Variants in TIAM2 observed in about 807,000 individuals in gnomAD.
TIAM2 encodes the protein rho guanine nucleotide exchange factor TIAM2.
A neutral mutation model predicts 152.9 loss-of-function variants in TIAM2; 80 were observed. The observed-to-expected ratio is 0.52, with a 90% CI of 0.44 to 0.63. TIAM2 has a LOEUF of 0.63. Among genes scored for constraint, TIAM2 ranks in the 30% least tolerant of loss-of-function variants. The pLI, the probability that TIAM2 is intolerant of heterozygous loss-of-function variation, is 0.00. For missense variants in TIAM2, 1,965 were observed against 2,120.1 expected, an observed-to-expected ratio of 0.93 and a Z score of 1.44; for synonymous variants, 804 against 838.0, an observed-to-expected ratio of 0.96 and a Z score of 0.70.
At chr6:155,049,048 G>A (rs141419662) in intron 1 of TIAM2, among the ~76,000 whole-genome samples, 9 of 152,156 alleles carry the variant, frequency 5.9e-5, no homozygotes, top group African/African-American at 2.2e-4. Context: ...TGATCCGCCC[G>A]TCTCGGACTC....
intron 7 of TIAM2, among the ~76,000 whole-genome samples, chr6:155,152,072 A>C (rs1426435664): frequency 1.3e-5 from 2 of 151,914 alleles, no homozygotes; most frequent in Non-Finnish European, 2.9e-5. Flanking sequence ...TCGAACTCTG[A>C]CCTTAGGTGA....
At chr6:155,182,568 T>G (rs1780931718) in intron 13 of TIAM2, among the ~76,000 whole-genome samples, 1 of 152,008 alleles carries the variant, frequency 6.6e-6, no homozygotes, top group Non-Finnish European at 1.5e-5. Context: ...AAGACCAGCC[T>G]GGGAGACAGA....
In TIAM2 at chr6:155,056,258, G is replaced by A. The variant is rs376595951; in HGVS notation, c.-208-34031G>A. On this transcript the variant is annotated intron_variant, in intron 1 of 26. Coordinates refer to ENST00000682666, the MANE Select transcript of TIAM2 (RefSeq NM_012454.4). ...GCGATCTCGGCTCACTGCAACCTCC[G>A]CTTGCTGGGTTCAAGCGATTCTCCT... Among the ~76,000 whole-genome samples the A allele has an allele frequency of 8.8e-5, 12 of 136,106 alleles. No individual in the cohort carries two copies. The South Asian group carries it at 9.8e-4, about 11-fold the overall frequency. The allele number at this position is 136,106 out of a possible 152,430, so 89.3% of individuals were successfully genotyped here. A position where few individuals can be genotyped will look rare whatever the true frequency, so the allele number is the denominator to read the frequency against.
chr6:155,006,841 A>C (rs547526050), intron 1 of TIAM2, among the ~76,000 whole-genome samples: 1 of 151,862 alleles, frequency 6.6e-6, no homozygotes, highest in Non-Finnish European at 1.5e-5. Flanking sequence ...AGTGCCCACC[A>C]CCACACCCAG....
At chr6:155,191,290 T>C (rs886718265) in intron 14 of TIAM2, among the ~76,000 whole-genome samples, 9 of 152,152 alleles carry the variant, frequency 5.9e-5, no homozygotes, top group African/African-American at 1.9e-4. Flanking sequence ...TTTTTCCAAG[T>C]GTAAAATGGT....
chr6:155,148,080 G>A (rs767180798), intron 6 of TIAM2, 30 bp from the exon 7 acceptor site: 10 of 1,609,794 alleles, frequency 6.2e-6, no homozygotes, highest in South Asian at 2.2e-5. Context: ...AAAATGATTC[G>A]AAACAGGCTT....
At chr6:155,097,492 C>T (rs1007353274) in intron 2 of TIAM2, among the ~76,000 whole-genome samples, 1 of 152,170 alleles carries the variant, frequency 6.6e-6, no homozygotes, top group African/African-American at 2.4e-5. Flanking sequence ...CAGGCACTCA[C>T]CATCATAGCT....
intron 15 of TIAM2, among the ~76,000 whole-genome samples, chr6:155,238,331 C>G (rs1374580898): frequency 6.6e-6 from 1 of 152,266 alleles, no homozygotes; most frequent in African/African-American, 2.4e-5. Context: ...TTCAACAAGT[C>G]TCTAGGAAGT....
chr6:155,103,021 C>T (rs560619261), intron 2 of TIAM2, among the ~76,000 whole-genome samples: 2 of 152,214 alleles, frequency 1.3e-5, no homozygotes, highest in African/African-American at 4.8e-5. Flanking sequence ...TCTCAGAGAT[C>T]TTTGCCAAGG....
chr6:155,032,062 C>T (rs1776832779), intron 1 of TIAM2, among the ~76,000 whole-genome samples: 1 of 151,958 alleles, frequency 6.6e-6, no homozygotes. Flanking sequence ...ATAGCGTGTA[C>T]TTTATACGAT....
Position 155,257,196 on chromosome 6 carries a change from A to G in TIAM2, c.*75A>G. The G allele has an allele frequency of 1.4e-6, 2 of 1,389,138 alleles. No homozygotes were observed. Among genetic ancestry groups the G allele is most frequent in the Non-Finnish European group, 2.0e-6 (2 of 1,021,966 alleles). The allele number at this position is 1,389,138 out of a possible 1,614,324, so 86.1% of individuals were successfully genotyped here. On this transcript the variant is annotated 3_prime_UTR_variant, in exon 27 of 27. Transcript: ENST00000682666. ...GGTGGTAAAGTGGAAATTGCAAAAA[A>G]AAAAAAAAAAAAAAACTGTTCATTC...
At chr6:155,030,441 C>G (rs181759964) in intron 1 of TIAM2, among the ~76,000 whole-genome samples, 24 of 152,204 alleles carry the variant, frequency 1.6e-4, no homozygotes, top group African/African-American at 4.8e-4. Flanking sequence ...AGATTAAGGT[C>G]GAGAAGGAGC....
chr6:155,034,564 AT>A (rs1253110180), intron 1 of TIAM2, among the ~76,000 whole-genome samples: 2 of 152,166 alleles, frequency 1.3e-5, no homozygotes, highest in Non-Finnish European at 2.9e-5. Context: ...TAGGTCCAGT[AT>A]TTTAACCTTC....
chr6:155,148,452 A>G lies in TIAM2; in HGVS notation c.2028+118A>G, dbSNP rs999799684. Reference sequence around the variant, plus strand: ...CTCACATCTTGGTGGTATTTCTTACACCCTGGGGGAAATAATTTCTGTGGT... The same window carrying G: ...CTCACATCTTGGTGGTATTTCTTACGCCCTGGGGGAAATAATTTCTGTGGT... On this transcript the variant is annotated intron_variant, in intron 7 of 26. Transcript: ENST00000682666. 1.8e-5 allele frequency: 18 copies of G among 989,938 alleles called. No individual in the cohort carries two copies. The African/African-American group carries it at 2.6e-4, about 14-fold the overall frequency. The allele number at this position is 989,938 out of a possible 1,614,324, so 61.3% of individuals were successfully genotyped here.
chr6:155,248,934 T>C (rs1028806631), intron 20 of TIAM2, among the ~76,000 whole-genome samples: 15 of 152,304 alleles, frequency 9.8e-5, no homozygotes, highest in Admixed American at 9.2e-4. Context: ...TAAATTAAAC[T>C]GGCTTTTTTT....
intron 9 of TIAM2, among the ~76,000 whole-genome samples, chr6:155,175,159 G>A (rs150901938): frequency 8.7e-4 from 133 of 152,328 alleles, no homozygotes; most frequent in Non-Finnish European, 1.4e-3. Context: ...GTGTGGGGAT[G>A]TGCATTCTGG....
At chr6:155,164,135 T>G (rs1051681761) in intron 7 of TIAM2, among the ~76,000 whole-genome samples, 2 of 83,262 alleles carry the variant, frequency 2.4e-5, no homozygotes, top group Non-Finnish European at 2.6e-5. Flanking sequence ...ATTTTTGTGT[T>G]TTTTTTTTTT....
chr6:155,190,430 C>T (rs918996684), intron 14 of TIAM2, among the ~76,000 whole-genome samples: 16 of 152,202 alleles, frequency 1.1e-4, no homozygotes, highest in African/African-American at 3.6e-4. Flanking sequence ...TGGTCCTCAC[C>T]GGTCCCCTTT....
intron 2 of TIAM2, among the ~76,000 whole-genome samples, chr6:155,102,414 G>C (rs1778571563): frequency 6.6e-6 from 1 of 152,172 alleles, no homozygotes; most frequent in African/African-American, 2.4e-5. Context: ...AAGGATATGG[G>C]ATTCAGGAAG....
Sources: gnomAD v4.1 joint callset for allele counts (sites outside exome capture counted in the v4.1 genomes callset) on GRCh38, gnomAD v4.1.1 for gene constraint, MANE v1.5 for transcripts, NCBI Gene and HGNC (gene_info 2026-07-23, HGNC 2026-07-21) for gene names.